The following ROPN1L variants were observed in gnomAD, a reference collection of about 807,000 sequenced individuals.
ROPN1L encodes ropporin-1-like protein.
ROPN1L carries 23 observed loss-of-function variants against 22.7 expected under a neutral mutation model. The observed-to-expected ratio is 1.01, with a 90% confidence interval of 0.73 to 1.43. The LOEUF (loss-of-function observed/expected upper bound fraction) is 1.43. Ranked by LOEUF, ROPN1L falls within the 40% of genes most tolerant of loss-of-function variation. The pLI, the probability that ROPN1L is intolerant of heterozygous loss-of-function variation, is 0.00. For synonymous variants in ROPN1L, 116 were observed against 117.8 expected (o/e 0.98, Z 0.10); for missense variants, 271 against 291.5 (o/e 0.93, Z 0.51).
In ROPN1L at chr5:10,448,302, G is replaced by T. The variant is rs1220600626; in HGVS notation, c.174G>T (p.Lys58Asn). Residue 58 changes from lysine (K) to asparagine (N), a missense_variant, in exon 2 of 5, where the codon AAG (lysine) becomes AAT (asparagine). Lys to Asn is a moderately conservative substitution (Grantham distance 94). Coordinates refer to ENST00000274134, the MANE Select transcript of ROPN1L (RefSeq NM_031916.5). Reference protein sequence around the residue: ...ALSRGDPLPVKDRMEMPTATQ... With the variant: ...ALSRGDPLPVNDRMEMPTATQ... ...CGAGAGGAGATCCACTTCCTGTAAAGGACAGAATGGAAATGCCCACGGCAA... is the reference window on the plus strand; with the variant it reads ...CGAGAGGAGATCCACTTCCTGTAAATGACAGAATGGAAATGCCCACGGCAA... 1 of 1,614,042 alleles carries T rather than the reference G, an allele frequency of 6.2e-7. No individual in the cohort carries two copies. Among genetic ancestry groups the T allele is most frequent in the Non-Finnish European group, 8.5e-7 (1 of 1,180,020 alleles).
intron 3 of ROPN1L, among the ~76,000 whole-genome samples, chr5:10,452,110 AG>A (rs1263511216): frequency 3.9e-5 from 6 of 151,932 alleles, no homozygotes; most frequent in Admixed American, 3.9e-4. Flanking sequence ...CCTCCCGAGT[AG>A]CTGGGATTAC....
At chr5:10,481,230 G>A in the ROPN1L span, among the ~76,000 whole-genome samples, 27 of 152,322 alleles carry the variant, frequency 1.8e-4, no homozygotes, top group South Asian at 5.6e-3. Context: ...TTGAGTTATA[G>A]TAAGGCCAAC....
rs140241870 is a variant in ROPN1L, at chr5:10,461,431, T to C, written c.593+72T>C. On this transcript the variant is annotated intron_variant, in intron 4 of 4. Coordinates refer to ENST00000274134, the MANE Select transcript of ROPN1L (RefSeq NM_031916.5). ...AATTTCCTGTTTCACTTCCCCCTTG[T>C]AGGGAAAAACTCAGTTTTTCCTTTG... 2.9e-4 allele frequency: 396 copies of C among 1,365,652 alleles called. No individual in the cohort carries two copies. In the African/African-American group the frequency reaches 5.3e-3, roughly 18 times the overall value. 84.6% of individuals were successfully genotyped at this position (1,365,652 alleles called of 1,614,324 possible). A position where few individuals can be genotyped will look rare whatever the true frequency, so the allele number is the denominator to read the frequency against.
intron 3 of ROPN1L, among the ~76,000 whole-genome samples, chr5:10,451,220 GCT>G (rs1390223675): frequency 6.6e-6 from 1 of 152,182 alleles, no homozygotes; most frequent in Non-Finnish European, 1.5e-5. Flanking sequence ...CATGCACAGA[GCT>G]CTTTCATTCC....
intron 3 of ROPN1L, among the ~76,000 whole-genome samples, chr5:10,457,149 C>T (rs767660367): frequency 1.6e-4 from 24 of 152,210 alleles, no homozygotes; most frequent in African/African-American, 2.2e-4. Context: ...TGCAGCTCCA[C>T]GGAGCAGGTT....
chr5:10,477,746 A>G, the ROPN1L span, among the ~76,000 whole-genome samples: 891 of 152,298 alleles, frequency 5.9e-3, 8 homozygotes, highest in Middle Eastern at 0.031. Flanking sequence ...CCTGGGCAAC[A>G]TGGTGAAATC....
downstream of ROPN1L, among the ~76,000 whole-genome samples, chr5:10,474,273 C>G (rs188665416): frequency 1.9e-3 from 283 of 152,300 alleles, 3 homozygotes; most frequent in African/African-American, 6.5e-3. Flanking sequence ...CAGACACGCC[C>G]CATTGAATCT....
At chr5:10,443,934 C>A (rs1361590473) in intron 1 of ROPN1L, among the ~76,000 whole-genome samples, 3 of 152,132 alleles carry the variant, frequency 2.0e-5, no homozygotes, top group Non-Finnish European at 2.9e-5. Context: ...TTTTCCCACC[C>A]GAGATCCTTA....
chr5:10,472,020 C>G (rs772298045), exon 5 of ROPN1L: 1 of 152,148 alleles, frequency 6.6e-6, no homozygotes, highest in South Asian at 2.1e-4. Flanking sequence ...GGTGAAGATG[C>G]GGTGGGGGAG....
In ROPN1L at chr5:10,457,960, C is replaced by A. The variant is rs555737381; in HGVS notation, c.418-3224C>A. 1.4e-4 allele frequency among the ~76,000 whole-genome samples: 22 copies of A among 152,248 alleles called. No homozygotes were observed. In the South Asian group the frequency reaches 4.1e-3, roughly 29 times the overall value. Reference sequence around the variant, plus strand: ...CAGGAGCTCTCAGTCTGCCCTCACACCCCACCCCAGCAGCCTGCAGGGCAC... The same window carrying A: ...CAGGAGCTCTCAGTCTGCCCTCACAACCCACCCCAGCAGCCTGCAGGGCAC... On this transcript the variant is annotated intron_variant, in intron 3 of 4. Coordinates refer to ENST00000274134, the MANE Select transcript of ROPN1L (RefSeq NM_031916.5).
At chr5:10,450,147 G>C in intron 3 of ROPN1L, 34 bp downstream of exon 3, 2 of 1,488,162 alleles carry the variant, frequency 1.3e-6, no homozygotes, top group South Asian at 2.6e-5. Context: ...TAATAATTCT[G>C]TGTCATCATG....
rs1740908208 is a variant in ROPN1L, at chr5:10,442,269, G to A, written c.102G>A (p.Gln34=). Residue 34 remains glutamine (Q), a synonymous_variant, in exon 1 of 5, where the codon CAG becomes CAA. Transcript: ENST00000274134. ...KQFTKAAIRT[Q]PADVLRWSAG... is the part of the protein sequence containing the mutation. ...TCACCAAGGCTGCCATCCGCACCCA[G>A]CCGGCCGACGTGCTGCGGTGGTCCG... is the stretch of plus-strand genomic sequence containing the variant. The A allele has an allele frequency of 2.5e-6, 4 of 1,613,688 alleles. No homozygotes were observed. The highest frequency in any genetic ancestry group is 3.4e-6 in the Non-Finnish European group (4 of 1,179,896).
At chr5:10,472,757 G>A (rs1307545475), downstream of ROPN1L, among the ~76,000 whole-genome samples, 2 of 152,172 alleles carry the variant, frequency 1.3e-5, no homozygotes, top group African/African-American at 2.4e-5. Flanking sequence ...TTTTCCACAC[G>A]CTAACTCATT....
At chr5:10,443,176 A>C (rs898820688) in intron 1 of ROPN1L, among the ~76,000 whole-genome samples, 7 of 150,126 alleles carry the variant, frequency 4.7e-5, no homozygotes, top group African/African-American at 1.7e-4. Context: ...GTAACACAGC[A>C]AGACCCCATC....
intron 1 of ROPN1L, among the ~76,000 whole-genome samples, chr5:10,444,402 T>C (rs1740988644): frequency 6.6e-6 from 1 of 152,104 alleles, no homozygotes; most frequent in South Asian, 2.1e-4. Context: ...GCGATTCTCC[T>C]GCCTCAGCCT....
intron 3 of ROPN1L, among the ~76,000 whole-genome samples, chr5:10,459,325 C>T (rs964158190): frequency 6.6e-6 from 1 of 151,936 alleles, no homozygotes; most frequent in South Asian, 2.1e-4. Flanking sequence ...TCCCGCCTTC[C>T]ACCCTCATCA....
chr5:10,465,982 A>G (rs1460627861), downstream of ROPN1L, among the ~76,000 whole-genome samples: 1 of 152,128 alleles, frequency 6.6e-6, no homozygotes, highest in African/African-American at 2.4e-5. Context: ...TGAAAGGTGG[A>G]CCCCAGGGAC....
intron 2 of ROPN1L, among the ~76,000 whole-genome samples, chr5:10,449,187 G>A (rs538988095): frequency 1.3e-5 from 2 of 152,346 alleles, no homozygotes; most frequent in African/African-American, 2.4e-5. Flanking sequence ...ACTGCTAGCA[G>A]ATTGCAGAAG....
At chr5:10,450,315 T>C (rs2012362) in intron 3 of ROPN1L, among the ~76,000 whole-genome samples, 100,016 of 152,140 alleles carry the variant, frequency 0.66, 39,037 homozygotes, top group Non-Finnish European at 0.88. Context: ...AATGCCTCAA[T>C]TTAAAAGTTA....
Sources: gnomAD v4.1 joint callset for allele counts (sites outside exome capture counted in the v4.1 genomes callset) on GRCh38, gnomAD v4.1.1 for gene constraint, MANE v1.5 for transcripts, NCBI Gene and HGNC (gene_info 2026-07-23, HGNC 2026-07-21) for gene names.